ERGIC1: variants seen among roughly 807,000 people sequenced by gnomAD.
ERGIC1 encodes endoplasmic reticulum-Golgi intermediate compartment protein 1.
A neutral mutation model predicts 38.3 loss-of-function variants in ERGIC1; 19 were observed. The observed-to-expected ratio is 0.50, with a 90% CI of 0.35 to 0.73. ERGIC1 has a LOEUF of 0.73. Among genes scored for constraint, ERGIC1 ranks in the 30% least tolerant of loss-of-function variants. ERGIC1 has a pLI of 0.01. For synonymous variants in ERGIC1, 124 were observed against 157.6 expected (o/e 0.79, Z 1.60); for missense variants, 294 against 389.2 (o/e 0.76, Z 2.06).
In ERGIC1 at chr5:172,834,353, G is replaced by C; in HGVS notation, c.-61G>C. 1 of 1,241,928 alleles carries C rather than the reference G, an allele frequency of 8.1e-7. No homozygotes were observed. The highest frequency in any genetic ancestry group is 1.0e-6 in the Non-Finnish European group (1 of 992,830). 76.9% of individuals were successfully genotyped at this position (1,241,928 alleles called of 1,614,324 possible). A position where few individuals can be genotyped will look rare whatever the true frequency, so the allele number is the denominator to read the frequency against. On this transcript the variant is annotated 5_prime_UTR_variant, in exon 1 of 10. Coordinates refer to ENST00000393784, the MANE Select transcript of ERGIC1 (RefSeq NM_001031711.3). This position sits in a 1 kb window ranked among gnomAD's most constrained non-coding sequence, Gnocchi z 4.1. ...CGGAGGAGGCGTTGGCAGCGGGCTC[G>C]GACCCACGCGGCGCCGCGGCCCGCC...
At chr5:172,915,915 T>C (rs1318748282) in intron 5 of ERGIC1, 1 of 282,556 alleles carries the variant, frequency 3.5e-6, no homozygotes, top group African/African-American at 2.2e-5. Flanking sequence ...CAAAGATAAA[T>C]TTTGTTTGTC....
At chr5:172,867,894 A>G (rs988506065) in intron 1 of ERGIC1, among the ~76,000 whole-genome samples, 8 of 152,154 alleles carry the variant, frequency 5.3e-5, no homozygotes, top group African/African-American at 1.9e-4. Context: ...GTTTCTCAAA[A>G]TCTCCCTAGG....
At chr5:172,893,903 ATATG>A (rs1403037558) in intron 2 of ERGIC1, among the ~76,000 whole-genome samples, 10 of 12,860 alleles carry the variant, frequency 7.8e-4, no homozygotes, top group African/African-American at 1.2e-3. Context: ...ATATATATAT[ATATG>A]TGTGTGTGTG....
chr5:172,897,443 A>AAAAGAGAG (rs780361647), intron 3 of ERGIC1, among the ~76,000 whole-genome samples: 24 of 142,454 alleles, frequency 1.7e-4, no homozygotes, highest in South Asian at 4.4e-4. Context: ...AAAAAAAAAA[A>AAAAGAGAG]AGAGAGAGAG....
At chr5:172,948,443 G>A (rs536349849) in intron 9 of ERGIC1, among the ~76,000 whole-genome samples, 107 of 152,316 alleles carry the variant, frequency 7.0e-4, no homozygotes, top group African/African-American at 2.4e-3. Context: ...GTAGCTGGCC[G>A]TCCACCTGTG....
chr5:172,842,820 T>G (rs1449309838), intron 1 of ERGIC1, among the ~76,000 whole-genome samples: 6 of 152,244 alleles, frequency 3.9e-5, no homozygotes, highest in Non-Finnish European at 4.4e-5. Flanking sequence ...TGGAGAAATA[T>G]CCATTCACAT....
At chr5:172,908,678 A>AG (rs1763120389) in intron 3 of ERGIC1, among the ~76,000 whole-genome samples, 1 of 152,176 alleles carries the variant, frequency 6.6e-6, no homozygotes, top group Non-Finnish European at 1.5e-5. Context: ...TAGAAGCTGA[A>AG]AAAGGCAAGA....
chr5:172,863,792 T>TA (rs1244149185), intron 1 of ERGIC1, among the ~76,000 whole-genome samples: 1 of 152,246 alleles, frequency 6.6e-6, no homozygotes, highest in Non-Finnish European at 1.5e-5. Flanking sequence ...AGCTGGTACC[T>TA]ACTGTGTCAC....
intron 2 of ERGIC1, among the ~76,000 whole-genome samples, chr5:172,891,659 C>T (rs577267557): frequency 2.0e-5 from 3 of 152,200 alleles, no homozygotes; most frequent in South Asian, 2.1e-4. Flanking sequence ...AGGCTGGTCT[C>T]GAACTCCTGA....
At chr5:172,862,187 C>T (rs2113107030) in intron 1 of ERGIC1, among the ~76,000 whole-genome samples, 1 of 150,802 alleles carries the variant, frequency 6.6e-6, no homozygotes, top group African/African-American at 2.4e-5. Flanking sequence ...GACAGGGTTT[C>T]ACCATGTTGG....
chr5:172,861,988 T>A lies in ERGIC1; in HGVS notation c.21-26711T>A, dbSNP rs113015530. Among the ~76,000 whole-genome samples, 856 of 152,004 alleles carry A rather than the reference T, an allele frequency of 5.6e-3. 9 individuals carry two copies. Among genetic ancestry groups the A allele is most frequent in the African/African-American group, 0.019 (804 of 41,530 alleles). ...AACTTTTATTTATTTATTTATTTTTTAATTTTATTATTATTATTTTTAGAT... is the reference window on the plus strand; with the variant it reads ...AACTTTTATTTATTTATTTATTTTTAAATTTTATTATTATTATTTTTAGAT... On this transcript the variant is annotated intron_variant, in intron 1 of 9. Coordinates refer to ENST00000393784, the MANE Select transcript of ERGIC1 (RefSeq NM_001031711.3).
intron 5 of ERGIC1, 150 bp downstream of exon 5, chr5:172,914,988 C>T (rs781144974): frequency 1.6e-6 from 2 of 1,280,304 alleles, no homozygotes; most frequent in Non-Finnish European, 2.2e-6. Flanking sequence ...CCTGGCCGTT[C>T]CTGCTGAGAA....
At chr5:172,852,065 G>C (rs111490215) in intron 1 of ERGIC1, among the ~76,000 whole-genome samples, 3 of 152,204 alleles carry the variant, frequency 2.0e-5, no homozygotes, top group African/African-American at 7.2e-5. Context: ...CTGTCAATGG[G>C]TGAACCAGCC....
intron 1 of ERGIC1, among the ~76,000 whole-genome samples, chr5:172,860,819 T>C (rs1471895725): frequency 6.6e-6 from 1 of 152,216 alleles, no homozygotes; most frequent in African/African-American, 2.4e-5. Context: ...TGTGTTTCTT[T>C]GTGAGCACAA....
At chr5:172,866,013 C>T (rs1447539319) in intron 1 of ERGIC1, among the ~76,000 whole-genome samples, 1 of 152,220 alleles carries the variant, frequency 6.6e-6, no homozygotes, top group Non-Finnish European at 1.5e-5. Context: ...GGTATTTATC[C>T]TTCCCATGCA....
At chr5:172,866,824 ACT>A (rs374541570) in intron 1 of ERGIC1, among the ~76,000 whole-genome samples, 67 of 152,036 alleles carry the variant, frequency 4.4e-4, no homozygotes, top group African/African-American at 1.5e-3. Flanking sequence ...TCATTCTGTA[ACT>A]CTGCATTCTC....
intron 4 of ERGIC1, 186 bp from the exon 5 acceptor site, chr5:172,914,528 C>G: frequency 2.1e-6 from 2 of 951,054 alleles, no homozygotes; most frequent in South Asian, 1.5e-5. Context: ...CCCCCCTCGC[C>G]TCACGTTTAG....
chr5:172,932,549 T>TGGCTGGGCCGAGCTGTGTGCGGC lies in ERGIC1; in HGVS notation c.642+17_642+39dup. ...GGTGGCCAACAAGGTGCGCGGGCGG[T>TGGCTGGGCCGAGCTGTGTGCGGC]GGCTGGGCCGAGCTGTGTGCGGCGG... is the stretch of plus-strand genomic sequence containing the variant. On this transcript the variant is annotated intron_variant, in intron 8 of 9. Transcript: ENST00000393784. The TGGCTGGGCCGAGCTGTGTGCGGC allele has an allele frequency of 6.2e-7, 1 of 1,613,090 alleles. No individual in the cohort carries two copies. The highest frequency in any genetic ancestry group is 8.5e-7 in the Non-Finnish European group (1 of 1,179,440).
intron 1 of ERGIC1, among the ~76,000 whole-genome samples, chr5:172,853,308 C>T (rs949252843): frequency 2.4e-4 from 36 of 152,178 alleles, no homozygotes; most frequent in African/African-American, 8.0e-4. Flanking sequence ...CGGCCCCCAT[C>T]GTGCTGGGTG....
Sources: allele counts gnomAD v4.1 joint callset (sites outside exome capture counted in the v4.1 genomes callset), GRCh38; gene constraint gnomAD v4.1.1; non-coding constraint Gnocchi (gnomAD v3.1); transcripts MANE v1.5; gene names NCBI Gene and HGNC (gene_info 2026-07-23, HGNC 2026-07-21).